Variants in CPZ observed in about 807,000 individuals in gnomAD.
CPZ encodes carboxypeptidase Z.
Under a neutral mutation model 61.8 loss-of-function variants are expected in CPZ, and 103 were observed. The observed-to-expected ratio is 1.67, with a 90% CI of 1.42 to 1.96. The LOEUF (loss-of-function observed/expected upper bound fraction) is 1.96, where lower values mean the gene tolerates loss of function less well. Among genes scored for constraint, CPZ ranks in the 30% most tolerant of loss-of-function variants. CPZ has a pLI of 0.00. For missense variants in CPZ, 1,461 were observed against 914.9 expected (o/e 1.60, Z -7.70); for synonymous variants, 551 against 373.7 (o/e 1.47, Z -5.47).
At chr4:8,594,833 C>T (rs558260023) in intron 1 of CPZ, among the ~76,000 whole-genome samples, 1 of 151,024 alleles carries the variant, frequency 6.6e-6, no homozygotes, top group Non-Finnish European at 1.5e-5. Flanking sequence ...AGTGCAGTTG[C>T]GCAATCTCAG....
rs1325149037 is a variant in CPZ at position 8,618,483 on chromosome 4, A to G, written c.1558A>G (p.Asn520Asp). ...AGATAAATTCGGCAAGCCAGTCAAA[A>G]ACGCCCGGATCTCAGTCAAAGGCAT... The part of the protein sequence containing the change: ...VTDKFGKPVK[N>D]ARISVKGIRH... The change falls in exon 10 of 11, where the codon AAC becomes GAC. Residue 520 changes from asparagine to aspartate, a missense_variant. Transcript: ENST00000360986. 6.2e-7 allele frequency: 1 copy of G among 1,603,186 alleles called. No homozygotes were observed. Among genetic ancestry groups the G allele is most frequent in the Non-Finnish European group, 8.5e-7 (1 of 1,174,156 alleles).
intron 7 of CPZ, among the ~76,000 whole-genome samples, chr4:8,609,221 TACTCACTCATTGTC>T (rs1715399933): frequency 6.7e-5 from 1 of 14,890 alleles, no homozygotes; most frequent in African/African-American, 1.9e-4. Context: ...CTCATTCACT[TACTCACTCATTGTC>T]ACTCATTCAC....
intron 7 of CPZ, among the ~76,000 whole-genome samples, chr4:8,609,656 G>C (rs562170662): frequency 6.6e-6 from 1 of 152,202 alleles, no homozygotes; most frequent in African/African-American, 2.4e-5. Flanking sequence ...GGCAGGGCAG[G>C]CATCCCCTCT....
chr4:8,606,203 T>C lies in CPZ; in HGVS notation c.906+18T>C, dbSNP rs1376206869. On this transcript the variant is annotated intron_variant, in intron 5 of 10. Transcript: ENST00000360986. ...CTGCCGAGGTGAGCGCCCAGATGCC[T>C]GGATCCTGTGGGCCACCGCCCGAAC... 15 of 1,605,304 alleles carry C rather than the reference T, an allele frequency of 9.3e-6. No individual in the cohort carries two copies. Among genetic ancestry groups the C allele is most frequent in the African/African-American group, 1.3e-5 (1 of 74,746 alleles).
intron 7 of CPZ, chr4:8,611,195 G>A (rs542558003): frequency 3.4e-4 from 153 of 455,710 alleles, no homozygotes; most frequent in African/African-American, 2.9e-3. Flanking sequence ...GACCTGTCCT[G>A]CTTGGTGGGG....
intron 2 of CPZ, 185 bp from the exon 3 acceptor site, chr4:8,600,938 C>A (rs1166398356): frequency 7.4e-7 from 1 of 1,342,890 alleles, no homozygotes; most frequent in Non-Finnish European, 9.5e-7. Flanking sequence ...TCTTAGGCTC[C>A]TCCTCTGGTC....
intron 9 of CPZ, among the ~76,000 whole-genome samples, chr4:8,617,117 G>A (rs1437083432): frequency 1.1e-4 from 17 of 152,230 alleles, no homozygotes; most frequent in Admixed American, 9.8e-4. Context: ...GTGCCACAGG[G>A]TCTGAGCTCA....
chr4:8,599,217 C>G (rs1714392269), intron 1 of CPZ, among the ~76,000 whole-genome samples: 1 of 152,252 alleles, frequency 6.6e-6, no homozygotes, highest in African/African-American at 2.4e-5. Flanking sequence ...ACGCCTGCTG[C>G]TGCCTGTCTG....
intron 8 of CPZ, 97 bp downstream of exon 8, chr4:8,612,259 TC>T: frequency 9.2e-7 from 1 of 1,088,334 alleles, no homozygotes; most frequent in Non-Finnish European, 1.3e-6. Context: ...GCTGCTGGGA[TC>T]CAGCTGGAGA....
At chr4:8,611,199 G>C (rs1382476639) in intron 7 of CPZ, 3 of 455,770 alleles carry the variant, frequency 6.6e-6, no homozygotes, top group South Asian at 3.1e-5. Flanking sequence ...TGTCCTGCTT[G>C]GTGGGGCCCT....
intron 8 of CPZ, among the ~76,000 whole-genome samples, chr4:8,613,752 G>T (rs115484007): frequency 0.017 from 2,651 of 152,344 alleles, 89 homozygotes; most frequent in African/African-American, 0.059. Context: ...AGCTTGCTCT[G>T]AGGCCTTCTC....
At chr4:8,618,114 G>A in intron 9 of CPZ, 4 of 359,996 alleles carry the variant, frequency 1.1e-5, no homozygotes, top group East Asian at 6.5e-5. Context: ...ATGCCGATCA[G>A]GCAGAAGAGT....
chr4:8,605,779 GCTAA>G (rs561247204), intron 4 of CPZ, among the ~76,000 whole-genome samples: 52 of 152,358 alleles, frequency 3.4e-4, no homozygotes, highest in South Asian at 2.7e-3. Context: ...CTTGAGTTAT[GCTAA>G]CTAAGAATTC....
At chr4:8,596,060 C>G (rs1714152629) in intron 1 of CPZ, among the ~76,000 whole-genome samples, 1 of 142,064 alleles carries the variant, frequency 7.0e-6, no homozygotes, top group Admixed American at 6.9e-5. Flanking sequence ...ACTGTTGTTG[C>G]TTTTTTTTTT....
intron 7 of CPZ, chr4:8,611,087 T>TTCACTCACTCACTCACTCACTCAC (rs61069089): frequency 2.6e-6 from 1 of 390,226 alleles, no homozygotes; most frequent in African/African-American, 2.1e-5. Context: ...CATTCGCTCA[T>TTCACTCACTCACTCACTCACTCAC]TCACTCACTC....
intron 1 of CPZ, among the ~76,000 whole-genome samples, chr4:8,594,965 G>A (rs905563487): frequency 1.3e-5 from 2 of 152,184 alleles, no homozygotes. Context: ...GTAGAGACAG[G>A]GTTTCACCGT....
chr4:8,614,487 T>G lies in CPZ; in HGVS notation c.1492T>G (p.Phe498Val). 1 of 1,613,458 alleles carries G rather than the reference T, an allele frequency of 6.2e-7. No homozygotes were observed. Among genetic ancestry groups the G allele is most frequent in the Non-Finnish European group, 8.5e-7 (1 of 1,179,690 alleles). Residue 498 changes from phenylalanine to valine, a missense_variant, in exon 9 of 11, where the codon TTC (phenylalanine) becomes GTC (valine). Phe to Val is a conservative substitution (Grantham distance 50). Coordinates refer to ENST00000360986, the MANE Select transcript of CPZ (RefSeq NM_001014447.3). ...GCACAACAAGGAGTCACTCCTGAAT[T>G]TCGTGGAGACGGTGAGTTCTGACGG... ...WQHNKESLLNFVETVHRGIKG... is the reference protein window; with the variant it reads ...WQHNKESLLNVVETVHRGIKG...
chr4:8,598,990 C>T (rs1237226416), intron 1 of CPZ, among the ~76,000 whole-genome samples: 5 of 152,218 alleles, frequency 3.3e-5, no homozygotes, highest in African/African-American at 9.6e-5. Flanking sequence ...CTGGGTGCAG[C>T]AGTGCCTGCT....
At chr4:8,595,238 G>C (rs1714092365) in intron 1 of CPZ, among the ~76,000 whole-genome samples, 1 of 152,260 alleles carries the variant, frequency 6.6e-6, no homozygotes, top group Admixed American at 6.5e-5. Flanking sequence ...GAAGGGCTCA[G>C]TGGCCACGTG....
Sources: gnomAD v4.1 joint callset for allele counts (sites outside exome capture counted in the v4.1 genomes callset) on GRCh38, gnomAD v4.1.1 for gene constraint, MANE v1.5 for transcripts, NCBI Gene and HGNC (gene_info 2026-07-23, HGNC 2026-07-21) for gene names.